Variants in CNTNAP2 observed in about 807,000 individuals in gnomAD.
CNTNAP2 encodes contactin-associated protein-like 2.
Under a neutral mutation model 155.2 loss-of-function variants are expected in CNTNAP2, and 98 were observed. That is an observed-to-expected ratio of 0.63 (90% CI 0.54 to 0.75). CNTNAP2 has a LOEUF of 0.75. Ranked by LOEUF, CNTNAP2 falls within the 30% of genes least tolerant of loss-of-function variation. The pLI is 0.00. For synonymous variants in CNTNAP2, 651 were observed against 631.2 expected, an observed-to-expected ratio of 1.03 and a Z score of -0.47; for missense variants, 1,727 against 1,688.1, an observed-to-expected ratio of 1.02 and a Z score of -0.40.
chr7:147,913,446 A>G (rs913354809), intron 14 of CNTNAP2, among the ~76,000 whole-genome samples: 23 of 152,170 alleles, frequency 1.5e-4, no homozygotes, highest in African/African-American at 4.8e-4. Context: ...CACTGCTTCC[A>G]TTCCACCTGC....
At chr7:147,990,335 C>G (rs1297707806) in intron 15 of CNTNAP2, among the ~76,000 whole-genome samples, 1 of 152,144 alleles carries the variant, frequency 6.6e-6, no homozygotes, top group Non-Finnish European at 1.5e-5. Context: ...GGAGAACAAA[C>G]CTAAGAGGGG....
chr7:146,974,454 A>T (rs1405696411), intron 3 of CNTNAP2, among the ~76,000 whole-genome samples: 1 of 151,406 alleles, frequency 6.6e-6, no homozygotes, highest in Non-Finnish European at 1.5e-5. Flanking sequence ...AAAATAAAAA[A>T]TAAAAAAATA....
chr7:147,937,961 A>G (rs1042732381), intron 14 of CNTNAP2, among the ~76,000 whole-genome samples: 1 of 152,158 alleles, frequency 6.6e-6, no homozygotes, highest in African/African-American at 2.4e-5. Flanking sequence ...TTCTATCTTA[A>G]CCATGGTTAA....
intron 1 of CNTNAP2, among the ~76,000 whole-genome samples, chr7:146,750,058 T>A (rs1210331774): frequency 6.6e-6 from 1 of 152,176 alleles, no homozygotes. Flanking sequence ...GTTATCCTCA[T>A]AAATTAGCTA....
chr7:146,938,541 TCCCTC>T (rs1273683286), intron 3 of CNTNAP2, among the ~76,000 whole-genome samples: 1 of 151,604 alleles, frequency 6.6e-6, no homozygotes, highest in Non-Finnish European at 1.5e-5. Context: ...CAAAAACAAA[TCCCTC>T]CACTCCACAT....
At position 147,046,755 on chromosome 7, in the gene CNTNAP2, C is replaced by T. The variant is rs181449285; in HGVS notation, c.550+2701C>T. 1.4e-3 allele frequency among the ~76,000 whole-genome samples: 211 copies of T among 152,086 alleles called. 4 individuals are homozygous for T. Among genetic ancestry groups the T allele is most frequent in the African/African-American group, 4.3e-3 (179 of 41,490 alleles). Reference sequence around the variant, plus strand: ...GTATTGTTTAAAAGTTTAGGCCGGGCGCGGTGGCTCACACCTGTAATCCCA... The same window carrying T: ...GTATTGTTTAAAAGTTTAGGCCGGGTGCGGTGGCTCACACCTGTAATCCCA... On this transcript the variant is annotated intron_variant, in intron 4 of 23. Coordinates refer to ENST00000361727, the MANE Select transcript of CNTNAP2 (RefSeq NM_014141.6).
chr7:148,273,571 G>A (rs1796821347), intron 21 of CNTNAP2, among the ~76,000 whole-genome samples: 1 of 152,184 alleles, frequency 6.6e-6, no homozygotes, highest in African/African-American at 2.4e-5. Flanking sequence ...CCGTAATGAA[G>A]TAGATCTATT....
chr7:148,085,322 A>G (rs373931881), intron 15 of CNTNAP2, among the ~76,000 whole-genome samples: 1 of 152,184 alleles, frequency 6.6e-6, no homozygotes. Flanking sequence ...ATTCTTAAGG[A>G]TTGAGCTTCA....
chr7:146,745,412 G>GT (rs1801792296), intron 1 of CNTNAP2, among the ~76,000 whole-genome samples: 2 of 152,116 alleles, frequency 1.3e-5, no homozygotes, highest in South Asian at 4.2e-4. Context: ...GGATCACAAA[G>GT]TCAGTGGGTG....
intron 1 of CNTNAP2, among the ~76,000 whole-genome samples, chr7:146,660,816 C>T (rs907979873): frequency 1.3e-5 from 2 of 152,114 alleles, no homozygotes; most frequent in South Asian, 2.1e-4. Flanking sequence ...AAATAAGAAT[C>T]GTTAACTTCA....
intron 3 of CNTNAP2, among the ~76,000 whole-genome samples, chr7:146,956,525 C>T (rs1386313524): frequency 1.3e-5 from 2 of 152,158 alleles, no homozygotes; most frequent in Non-Finnish European, 2.9e-5. Flanking sequence ...TTGCAATTAT[C>T]TCCTTTTCCT....
At chr7:147,380,463 A>G (rs557397159) in intron 9 of CNTNAP2, among the ~76,000 whole-genome samples, 15 of 152,250 alleles carry the variant, frequency 9.9e-5, no homozygotes, top group Middle Eastern at 3.4e-3. Flanking sequence ...GAATAATAAT[A>G]ATACAAACAA....
At chr7:146,164,993 T>G (rs913374369) in intron 1 of CNTNAP2, among the ~76,000 whole-genome samples, 5 of 152,102 alleles carry the variant, frequency 3.3e-5, no homozygotes, top group Non-Finnish European at 5.9e-5. Flanking sequence ...AAAATAGTAT[T>G]TTTGTCTCTT....
intron 11 of CNTNAP2, among the ~76,000 whole-genome samples, chr7:147,559,756 A>G (rs564377479): frequency 1.3e-5 from 2 of 152,280 alleles, no homozygotes; most frequent in Middle Eastern, 3.4e-3. Context: ...AGAGGTGTAA[A>G]AAATTAACAA....
intron 13 of CNTNAP2, among the ~76,000 whole-genome samples, chr7:147,857,463 G>A (rs532858935): frequency 6.6e-6 from 1 of 152,222 alleles, no homozygotes; most frequent in East Asian, 1.9e-4. Flanking sequence ...TTCTTATAAA[G>A]CTAGTATGAA....
intron 4 of CNTNAP2, among the ~76,000 whole-genome samples, chr7:147,065,097 T>G (rs1799753122): frequency 6.6e-6 from 1 of 152,214 alleles, no homozygotes; most frequent in Admixed American, 6.5e-5. Context: ...AGAAATCTAC[T>G]GTAATATAAA....
intron 17 of CNTNAP2, among the ~76,000 whole-genome samples, chr7:148,156,146 G>T (rs1346057139): frequency 6.6e-6 from 1 of 152,218 alleles, no homozygotes; most frequent in Non-Finnish European, 1.5e-5. Context: ...AACGCAAAGG[G>T]TTTGGTTTAA....
At chr7:148,162,209 T>C (rs1027569485) in intron 17 of CNTNAP2, among the ~76,000 whole-genome samples, 1 of 152,164 alleles carries the variant, frequency 6.6e-6, no homozygotes, top group Admixed American at 6.5e-5. Context: ...AGGATGCTTA[T>C]TTTACTTCAA....
intron 14 of CNTNAP2, among the ~76,000 whole-genome samples, chr7:147,963,131 A>T (rs950174989): frequency 6.6e-6 from 1 of 152,198 alleles, no homozygotes; most frequent in Non-Finnish European, 1.5e-5. Context: ...AGAAGGTCAC[A>T]TTGCAGTAAA....
Sources: allele counts gnomAD v4.1 joint callset (sites outside exome capture counted in the v4.1 genomes callset), GRCh38; gene constraint gnomAD v4.1.1; transcripts MANE v1.5; gene names NCBI Gene and HGNC (gene_info 2026-07-23, HGNC 2026-07-21).